The following ADCY8 variants were observed in gnomAD, a reference collection of about 807,000 sequenced individuals.
ADCY8 encodes the protein adenylate cyclase 8.
In ADCY8, 51 loss-of-function variants were observed where a neutral mutation model predicts 119.7. The observed-to-expected ratio is 0.43, with a 90% CI of 0.34 to 0.54. ADCY8 has a LOEUF of 0.54. ADCY8 is among the 20% of genes least tolerant of loss of function. ADCY8 has a pLI of 0.03. For synonymous variants in ADCY8, 665 were observed against 651.0 expected (o/e 1.02, Z -0.33); for missense variants, 1,383 against 1,598.8 (o/e 0.87, Z 2.30).
At chr8:130,941,279 C>T (rs3922956) in intron 4 of ADCY8, among the ~76,000 whole-genome samples, 1,648 of 152,294 alleles carry the variant, frequency 0.011, 32 homozygotes, top group African/African-American at 0.037. Flanking sequence ...GGCTGCTATG[C>T]ATTCACATGT....
chr8:130,780,798 G>A lies in ADCY8; in HGVS notation c.3348C>T (p.Asn1116=), dbSNP rs1340521521. The change falls in exon 18 of 18, where the codon AAC becomes AAT. Residue 1116 remains asparagine (N), a synonymous_variant. Coordinates refer to ENST00000286355, the MANE Select transcript of ADCY8 (RefSeq NM_001115.3). ...PQYDIWGKTV[N]LASRMDSTGV... is the part of the protein sequence containing the mutation. ...CCGTGCTGTCCATTCGGCTTGCCAGGTTCACAGTTTTGCCCCAAATGTCAT... is the reference window on the plus strand; with the variant it reads ...CCGTGCTGTCCATTCGGCTTGCCAGATTCACAGTTTTGCCCCAAATGTCAT... The A allele has an allele frequency of 2.5e-6, 4 of 1,614,184 alleles. No individual in the cohort carries two copies. The highest frequency in any genetic ancestry group is 3.4e-6 in the Non-Finnish European group (4 of 1,180,020).
chr8:130,981,653 G>T (rs1822244075), intron 2 of ADCY8, among the ~76,000 whole-genome samples: 2 of 152,160 alleles, frequency 1.3e-5, no homozygotes, highest in East Asian at 3.8e-4. Flanking sequence ...AATTATAATT[G>T]CACATGAGCA....
intron 7 of ADCY8, among the ~76,000 whole-genome samples, chr8:130,896,852 ATGGTAGAATTCTGAAGTGTATG>A (rs1213024707): frequency 1.3e-5 from 2 of 152,076 alleles, no homozygotes; most frequent in Non-Finnish European, 2.9e-5. Context: ...TTATTTATGG[ATGGTAGAATTCTGAAGTGTATG>A]TGGCTCACCA....
intron 2 of ADCY8, among the ~76,000 whole-genome samples, chr8:130,980,739 C>T (rs1391188627): frequency 3.3e-5 from 5 of 152,330 alleles, no homozygotes; most frequent in African/African-American, 7.2e-5. Context: ...TTTGCTTTGA[C>T]GGCATAGTTC....
At chr8:131,006,943 A>G (rs1823137896) in intron 1 of ADCY8, among the ~76,000 whole-genome samples, 1 of 152,196 alleles carries the variant, frequency 6.6e-6, no homozygotes, top group African/African-American at 2.4e-5. Context: ...ACTTATCTGC[A>G]ATGGATGTAT....
intron 14 of ADCY8, among the ~76,000 whole-genome samples, chr8:130,810,497 G>C (rs1816131247): frequency 6.6e-6 from 1 of 152,114 alleles, no homozygotes; most frequent in Non-Finnish European, 1.5e-5. Flanking sequence ...TTTGCATAAA[G>C]AAAGTAGGGC....
intron 2 of ADCY8, among the ~76,000 whole-genome samples, chr8:130,955,435 T>TA (rs1006139164): frequency 2.0e-5 from 3 of 152,176 alleles, no homozygotes; most frequent in Admixed American, 2.0e-4. Context: ...AAGCTGTTCC[T>TA]AAAAAAATCC....
intron 1 of ADCY8, among the ~76,000 whole-genome samples, chr8:130,992,619 T>C (rs1822632790): frequency 6.6e-6 from 1 of 151,746 alleles, no homozygotes; most frequent in Non-Finnish European, 1.5e-5. Flanking sequence ...TTTCCTATGT[T>C]GGCCAGGCTG....
chr8:130,873,475 C>T (rs866488182), intron 8 of ADCY8, among the ~76,000 whole-genome samples: 2 of 152,148 alleles, frequency 1.3e-5, no homozygotes, highest in Non-Finnish European at 2.9e-5. Flanking sequence ...TGCGCCACCA[C>T]ACCCAGCTAA....
chr8:130,886,653 G>A (rs1818995985), intron 7 of ADCY8, among the ~76,000 whole-genome samples: 1 of 152,096 alleles, frequency 6.6e-6, no homozygotes, highest in African/African-American at 2.4e-5. Flanking sequence ...TTCTGACCTT[G>A]GGATGCCAGG....
At chr8:130,944,134 C>A (rs1362733967) in intron 3 of ADCY8, among the ~76,000 whole-genome samples, 5 of 152,156 alleles carry the variant, frequency 3.3e-5, no homozygotes, top group Non-Finnish European at 5.9e-5. Context: ...GTTAAGCCAT[C>A]CAGTTACTCT....
At chr8:130,911,223 T>C (rs1000373833) in intron 5 of ADCY8, among the ~76,000 whole-genome samples, 12 of 152,220 alleles carry the variant, frequency 7.9e-5, no homozygotes, top group Non-Finnish European at 1.5e-5. Context: ...ATTTTGAGAA[T>C]GGAAGTTTGG....
chr8:131,036,927 G>A (rs1413393587), intron 1 of ADCY8, among the ~76,000 whole-genome samples: 1 of 152,198 alleles, frequency 6.6e-6, no homozygotes. Context: ...GATTTTACTC[G>A]AGTTGCTATA....
At chr8:131,017,868 G>T (rs958508115) in intron 1 of ADCY8, among the ~76,000 whole-genome samples, 50 of 152,116 alleles carry the variant, frequency 3.3e-4, no homozygotes, top group African/African-American at 1.2e-3. Context: ...CAGGTTAGCA[G>T]CCTGCTCAGC....
chr8:130,986,574 C>G (rs1822408053), intron 2 of ADCY8, among the ~76,000 whole-genome samples: 1 of 152,186 alleles, frequency 6.6e-6, no homozygotes, highest in South Asian at 2.1e-4. Context: ...AATTTCAACT[C>G]TACCTGGGAG....
At chr8:130,895,505 T>C (rs1819356609) in intron 7 of ADCY8, among the ~76,000 whole-genome samples, 1 of 152,134 alleles carries the variant, frequency 6.6e-6, no homozygotes. Context: ...ATTGCCTACT[T>C]AATCCATTCA....
At chr8:130,938,340 T>A (rs1462110011) in intron 4 of ADCY8, among the ~76,000 whole-genome samples, 3 of 152,186 alleles carry the variant, frequency 2.0e-5, no homozygotes, top group African/African-American at 7.2e-5. Context: ...CCTCTTTCTA[T>A]GAGGAAGAGT....
intron 8 of ADCY8, among the ~76,000 whole-genome samples, chr8:130,871,686 C>T (rs529788788): frequency 1.3e-5 from 2 of 152,264 alleles, no homozygotes; most frequent in South Asian, 4.1e-4. Context: ...ACCTTGCACT[C>T]AGCGGTGACC....
At position 130,943,468 on chromosome 8, in the gene ADCY8, C is replaced by T; in HGVS notation, c.1242-6G>A. 9.1e-7 allele frequency: 1 copy of T among 1,095,256 alleles called. No individual in the cohort carries two copies. Among genetic ancestry groups the T allele is most frequent in the South Asian group, 1.7e-5 (1 of 59,872 alleles). 67.8% of individuals were successfully genotyped at this position (1,095,256 alleles called of 1,614,324 possible). A position where few individuals can be genotyped will look rare whatever the true frequency, so the allele number is the denominator to read the frequency against. ...TAACATCTGCAAAAAGAATACTAAA[C>T]ACAGGGAAGAGGGTGGGGGTGGGGG... On this transcript the variant is annotated splice_polypyrimidine_tract_variant and splice_region_variant and intron_variant, in intron 3 of 17. Coordinates refer to ENST00000286355, the MANE Select transcript of ADCY8 (RefSeq NM_001115.3).
Sources: gnomAD v4.1 joint callset for allele counts (sites outside exome capture counted in the v4.1 genomes callset) on GRCh38, gnomAD v4.1.1 for gene constraint, MANE v1.5 for transcripts, NCBI Gene and HGNC (gene_info 2026-07-23, HGNC 2026-07-21) for gene names.